Variants in QTMAN observed in about 807,000 individuals in gnomAD.
QTMAN encodes tRNA-queuosine alpha-mannosyltransferase.
the QTMAN span, among the ~76,000 whole-genome samples, chr2:144,017,224 C>T: frequency 1.3e-5 from 2 of 151,904 alleles, no homozygotes; most frequent in Admixed American, 6.6e-5. Context: ...AGGATGGTCT[C>T]GATCTCTTGA....
At chr2:144,325,269 T>C in the QTMAN span, among the ~76,000 whole-genome samples, 1 of 152,052 alleles carries the variant, frequency 6.6e-6, no homozygotes, top group Admixed American at 6.5e-5. Context: ...TCTTAAGGAG[T>C]CACACACACT....
the QTMAN span, among the ~76,000 whole-genome samples, chr2:144,059,825 C>T: frequency 6.6e-6 from 1 of 152,080 alleles, no homozygotes; most frequent in Non-Finnish European, 1.5e-5. Flanking sequence ...CCCTATTGGC[C>T]TTCACTTCTT....
chr2:143,994,735 GTGAAAACAGGGTT>G, the QTMAN span, among the ~76,000 whole-genome samples: 2 of 152,278 alleles, frequency 1.3e-5, no homozygotes, highest in African/African-American at 4.8e-5. Context: ...TGGGTCAGGG[GTGAAAACAGGGTT>G]TGACCTTAAT....
the QTMAN span, among the ~76,000 whole-genome samples, chr2:144,101,954 G>A: frequency 1.3e-5 from 2 of 152,254 alleles, no homozygotes; most frequent in Non-Finnish European, 1.5e-5. Flanking sequence ...AGTTTCTTGA[G>A]CATCTACCAT....
the QTMAN span, among the ~76,000 whole-genome samples, chr2:144,143,180 T>C: frequency 1.3e-5 from 2 of 152,010 alleles, no homozygotes; most frequent in Admixed American, 6.6e-5. Flanking sequence ...ATTAAATGCA[T>C]TTCAACTTAT....
the QTMAN span, chr2:144,006,191 T>A: frequency 1.3e-5 from 2 of 152,238 alleles, no homozygotes; most frequent in East Asian, 3.9e-4. Context: ...ACATTCCACA[T>A]CAACTTTCAA....
chr2:143,970,481 GCTTA>G, the QTMAN span, among the ~76,000 whole-genome samples: 1,345 of 151,824 alleles, frequency 8.9e-3, 15 homozygotes, highest in African/African-American at 0.031. Context: ...ATCAAAGAAT[GCTTA>G]CTTAAGTATT....
the QTMAN span, chr2:144,294,477 A>G: frequency 2.6e-5 from 4 of 152,106 alleles, no homozygotes; most frequent in Admixed American, 6.6e-5. Context: ...GTCCCTTTCT[A>G]TATCTCCAGC....
chr2:144,162,822 A>T, the QTMAN span, among the ~76,000 whole-genome samples: 1 of 152,204 alleles, frequency 6.6e-6, no homozygotes, highest in Non-Finnish European at 1.5e-5. Flanking sequence ...GGATGTGTCT[A>T]TCAGCTGACT....
At chr2:144,105,200 C>T in the QTMAN span, among the ~76,000 whole-genome samples, 1 of 152,188 alleles carries the variant, frequency 6.6e-6, no homozygotes, top group Non-Finnish European at 1.5e-5. Context: ...CAGAGCGCCT[C>T]TCCCCCTCCA....
chr2:144,058,827 T>C, the QTMAN span, among the ~76,000 whole-genome samples: 1 of 152,200 alleles, frequency 6.6e-6, no homozygotes, highest in Non-Finnish European at 1.5e-5. Context: ...TTCTTAGCCA[T>C]CCCCATCTAA....
chr2:144,103,378 T>C, the QTMAN span, among the ~76,000 whole-genome samples: 1 of 152,206 alleles, frequency 6.6e-6, no homozygotes, highest in East Asian at 1.9e-4. Context: ...TGTTCATGCA[T>C]TCATGCAACA....
At chr2:144,041,094 C>T in the QTMAN span, among the ~76,000 whole-genome samples, 7 of 152,264 alleles carry the variant, frequency 4.6e-5, no homozygotes, top group South Asian at 1.5e-3. Context: ...GCATGTCAGA[C>T]ACTTTCATTG....
chr2:144,260,125 GT>G, the QTMAN span, among the ~76,000 whole-genome samples: 1 of 151,822 alleles, frequency 6.6e-6, no homozygotes, highest in South Asian at 2.1e-4. Context: ...TTTCATAATT[GT>G]TTTTTTCAAC....
At chr2:144,007,370 A>G in the QTMAN span, 1 of 1,613,344 alleles carries the variant, frequency 6.2e-7, no homozygotes, top group Non-Finnish European at 8.5e-7. Context: ...GTCGTGCAGT[A>G]TCAAGGCCAC....
the QTMAN span, among the ~76,000 whole-genome samples, chr2:144,310,497 G>A: frequency 6.6e-6 from 1 of 152,224 alleles, no homozygotes; most frequent in Admixed American, 6.5e-5. Flanking sequence ...ATACTGCATT[G>A]AGACCAGACT....
chr2:144,218,950 C>T, the QTMAN span, among the ~76,000 whole-genome samples: 2 of 141,466 alleles, frequency 1.4e-5, no homozygotes, highest in Admixed American at 7.0e-5. Context: ...AAAATCCTAG[C>T]ATCTCAGGAG....
the QTMAN span, among the ~76,000 whole-genome samples, chr2:144,233,738 TTTTC>T: frequency 3.9e-5 from 6 of 152,208 alleles, no homozygotes; most frequent in Non-Finnish European, 4.4e-5. Context: ...TAGCATTTTG[TTTTC>T]TTTGACAGGT....
the QTMAN span, among the ~76,000 whole-genome samples, chr2:144,071,029 G>C: frequency 6.6e-6 from 1 of 152,144 alleles, no homozygotes; most frequent in African/African-American, 2.4e-5. Flanking sequence ...AAAGAGGGTT[G>C]TTATTTACAG....
Sources: allele counts gnomAD v4.1 joint callset (sites outside exome capture counted in the v4.1 genomes callset), GRCh38; gene constraint gnomAD v4.1.1; transcripts MANE v1.5; gene names NCBI Gene and HGNC (gene_info 2026-07-23, HGNC 2026-07-21).